NTNG1: variants seen among roughly 807,000 people sequenced by gnomAD.
NTNG1 encodes netrin G1.
Under a neutral mutation model 54.0 loss-of-function variants are expected in NTNG1, and 16 were observed. The ratio of observed to expected loss-of-function variants is 0.30; its 90% CI spans 0.20 to 0.45. NTNG1 has a LOEUF of 0.45. Among genes scored for constraint, NTNG1 ranks in the 20% least tolerant of loss-of-function variants. NTNG1 has a pLI of 1.00. For synonymous variants in NTNG1, 255 were observed against 263.1 expected, an observed-to-expected ratio of 0.97 and a Z score of 0.30; for missense variants, 530 against 678.7, an observed-to-expected ratio of 0.78 and a Z score of 2.43.
chr1:107,179,354 C>G (rs1656896050), intron 2 of NTNG1, among the ~76,000 whole-genome samples: 1 of 152,106 alleles, frequency 6.6e-6, no homozygotes, highest in African/African-American at 2.4e-5. Flanking sequence ...TTTCATTCAT[C>G]CTAGAAACTG....
At chr1:107,171,019 C>T (rs1656186235) in intron 2 of NTNG1, among the ~76,000 whole-genome samples, 1 of 152,084 alleles carries the variant, frequency 6.6e-6, no homozygotes, top group Non-Finnish European at 1.5e-5. Context: ...GTGCTGAAAT[C>T]TAGCCTTTAG....
chr1:107,292,981 T>A (rs145665981), intron 2 of NTNG1, among the ~76,000 whole-genome samples: 1 of 152,312 alleles, frequency 6.6e-6, no homozygotes, highest in East Asian at 1.9e-4. Context: ...CCTTCCGCCT[T>A]ATGCCCTTCA....
intron 3 of NTNG1, among the ~76,000 whole-genome samples, chr1:107,370,415 T>A (rs1026026748): frequency 6.6e-6 from 1 of 151,852 alleles, no homozygotes; most frequent in Non-Finnish European, 1.5e-5. Context: ...CATGAGTAAG[T>A]TCTTTAGTGG....
At chr1:107,245,052 G>A (rs910599103) in intron 2 of NTNG1, among the ~76,000 whole-genome samples, 3 of 152,188 alleles carry the variant, frequency 2.0e-5, no homozygotes, top group African/African-American at 2.4e-5. Flanking sequence ...GAACTTTCTC[G>A]GAACTGTATC....
intron 2 of NTNG1, among the ~76,000 whole-genome samples, chr1:107,188,803 CTG>C (rs1262317439): frequency 6.6e-6 from 1 of 152,046 alleles, no homozygotes; most frequent in African/African-American, 2.4e-5. Context: ...TAGCTGAAAA[CTG>C]TGACAAATCA....
chr1:107,273,607 T>C (rs1359904202), intron 2 of NTNG1, among the ~76,000 whole-genome samples: 1 of 152,254 alleles, frequency 6.6e-6, no homozygotes, highest in Admixed American at 6.5e-5. Context: ...CGGTGACTTA[T>C]ACCTAGTAGG....
At chr1:107,243,612 A>G (rs11185074) in intron 2 of NTNG1, among the ~76,000 whole-genome samples, 112,159 of 151,904 alleles carry the variant, frequency 0.74, 45,180 homozygotes, top group South Asian at 0.92. Context: ...GCTAGAGCGC[A>G]CCAGCTGTTC....
intron 2 of NTNG1, among the ~76,000 whole-genome samples, chr1:107,303,203 C>A (rs1370742617): frequency 6.6e-6 from 1 of 152,042 alleles, no homozygotes; most frequent in Non-Finnish European, 1.5e-5. Flanking sequence ...TTGAGTAGAC[C>A]AGTGCAATGC....
Position 107,480,745 on chromosome 1 carries a change from G to C in NTNG1, c.1525G>C (p.Gly509Arg). The C allele has an allele frequency of 6.2e-7, 1 of 1,608,774 alleles. No individual in the cohort carries two copies. Among genetic ancestry groups the C allele is most frequent in the South Asian group, 1.1e-5 (1 of 90,392 alleles). Residue 509 changes from glycine (G) to arginine (R), a missense_variant, in exon 8 of 8, where the codon GGC becomes CGC. Transcript: ENST00000370068. Reference sequence around the variant, plus strand: ...GCGGTGCGAGGAGGCTGGCAGCTGCGGCTCCGACTCTGGCCAGGGCGCGCC... The same window carrying C: ...GCGGTGCGAGGAGGCTGGCAGCTGCCGCTCCGACTCTGGCCAGGGCGCGCC... Reference protein sequence around the residue: ...KLRCEEAGSCGSDSGQGAPPH... With the variant: ...KLRCEEAGSCRSDSGQGAPPH...
rs994597609 is a variant in NTNG1 at position 107,349,134 on chromosome 1, A to G, written c.887+24212A>G. On this transcript the variant is annotated intron_variant, in intron 3 of 7. Coordinates refer to ENST00000370068, the MANE Select transcript of NTNG1 (RefSeq NM_001113226.3). ...TTGCCAAGCTTGTTCCTGCTTCAGGACCTCTTCATGAGCTTCTAATTTCTC... is the reference window on the plus strand; with the variant it reads ...TTGCCAAGCTTGTTCCTGCTTCAGGGCCTCTTCATGAGCTTCTAATTTCTC... 5.9e-5 allele frequency among the ~76,000 whole-genome samples: 9 copies of G among 151,912 alleles called. No individual in the cohort carries two copies. The East Asian group carries it at 1.7e-3, about 29-fold the overall frequency.
chr1:107,209,265 T>A (rs1243374866), intron 2 of NTNG1, among the ~76,000 whole-genome samples: 1 of 152,038 alleles, frequency 6.6e-6, no homozygotes, highest in Non-Finnish European at 1.5e-5. Context: ...TTTTGATCAG[T>A]CACAGATTTG....
intron 2 of NTNG1, among the ~76,000 whole-genome samples, chr1:107,182,672 G>A (rs1009128210): frequency 2.0e-5 from 3 of 152,122 alleles, no homozygotes; most frequent in African/African-American, 7.2e-5. Context: ...GATTCTCTGG[G>A]ATTTTGAGAT....
At chr1:107,398,472 G>A (rs557159899) in intron 4 of NTNG1, among the ~76,000 whole-genome samples, 1 of 152,250 alleles carries the variant, frequency 6.6e-6, no homozygotes, top group South Asian at 2.1e-4. Context: ...CTATTCTGGA[G>A]CAGTTCAAGA....
At chr1:107,279,397 A>G (rs1664682705) in intron 2 of NTNG1, among the ~76,000 whole-genome samples, 2 of 152,092 alleles carry the variant, frequency 1.3e-5, no homozygotes, top group South Asian at 4.1e-4. Flanking sequence ...TCTTGAATTC[A>G]TGTTGGAGCA....
chr1:107,290,874 A>C (rs1024778806), intron 2 of NTNG1, among the ~76,000 whole-genome samples: 1 of 151,030 alleles, frequency 6.6e-6, no homozygotes, highest in African/African-American at 2.4e-5. Context: ...TGAATAAAAA[A>C]AGGAAAGACC....
At chr1:107,416,109 C>T (rs1424937519) in intron 5 of NTNG1, among the ~76,000 whole-genome samples, 1 of 152,038 alleles carries the variant, frequency 6.6e-6, no homozygotes, top group East Asian at 1.9e-4. Context: ...GTCGGTAACA[C>T]ACTATAGGAG....
intron 2 of NTNG1, among the ~76,000 whole-genome samples, chr1:107,186,385 A>G (rs1383664873): frequency 6.6e-6 from 1 of 152,208 alleles, no homozygotes. Context: ...TACTAAAACT[A>G]TGAATGGACT....
At chr1:107,480,537 A>AC in intron 7 of NTNG1, 74 bp from the exon 8 acceptor site, 1 of 870,598 alleles carries the variant, frequency 1.1e-6, no homozygotes, top group Admixed American at 2.5e-5. Flanking sequence ...AACATGATGT[A>AC]CCAGATGAAC....
intron 2 of NTNG1, among the ~76,000 whole-genome samples, chr1:107,304,184 A>C (rs1666514091): frequency 1.3e-5 from 2 of 151,370 alleles, no homozygotes; most frequent in South Asian, 4.2e-4. Context: ...TATTGATCAC[A>C]TACTTTTTTT....
Sources: gnomAD v4.1 joint callset for allele counts (sites outside exome capture counted in the v4.1 genomes callset) on GRCh38, gnomAD v4.1.1 for gene constraint, MANE v1.5 for transcripts, NCBI Gene and HGNC (gene_info 2026-07-23, HGNC 2026-07-21) for gene names.